HYDIN: variants seen among roughly 807,000 people sequenced by gnomAD.
HYDIN encodes HYDIN axonemal central pair apparatus protein.
A neutral mutation model predicts 403.9 loss-of-function variants in HYDIN; 132 were observed. The ratio of observed to expected loss-of-function variants is 0.33; its 90% confidence interval spans 0.28 to 0.38. The LOEUF (loss-of-function observed/expected upper bound fraction) is 0.38, where lower values mean the gene tolerates loss of function less well. HYDIN is among the 10% of genes least tolerant of loss of function. The pLI, the probability that HYDIN is intolerant of heterozygous loss-of-function variation, is 1.00. For missense variants in HYDIN, 2,827 were observed against 5,009.5 expected (o/e 0.56, Z 13.15); for synonymous variants, 1,202 against 1,891.7 (o/e 0.64, Z 9.46).
intron 1 of HYDIN, among the ~76,000 whole-genome samples, chr16:71,200,915 A>ACT (rs1353671548): frequency 6.6e-6 from 1 of 151,766 alleles, no homozygotes; most frequent in South Asian, 2.1e-4. Flanking sequence ...CAATTGGTAC[A>ACT]CTCTCTCCCT....
Position 70,973,932 on chromosome 16 carries a change from G to GA in HYDIN, c.5125_5126insT (p.Ala1709ValfsTer24). ...CAGGCACTGTCCACACTGAATTGTG[G>GA]CAAAGTCCACTTTTCCACGAGAGAG... On this transcript the variant is annotated frameshift_variant, in exon 34 of 86. Transcript: ENST00000393567. LOFTEE classifies it high-confidence loss of function. The GA allele has an allele frequency of 1.1e-6, 1 of 945,944 alleles. No individual in the cohort carries two copies. The highest frequency in any genetic ancestry group is 1.5e-6 in the Non-Finnish European group (1 of 652,896). 58.6% of individuals were successfully genotyped at this position (945,944 alleles called of 1,614,324 possible).
At chr16:71,041,037 G>A (rs1398087923) in intron 18 of HYDIN, among the ~76,000 whole-genome samples, 1 of 150,614 alleles carries the variant, frequency 6.6e-6, no homozygotes, top group Non-Finnish European at 1.5e-5. Context: ...ACTCTTTGAA[G>A]AAGGAAACTA....
intron 83 of HYDIN, among the ~76,000 whole-genome samples, chr16:70,822,455 C>T (rs977575594): frequency 9.2e-5 from 14 of 151,848 alleles, no homozygotes; most frequent in African/African-American, 3.1e-4. Context: ...GGTGAAGATG[C>T]CATGAACATT....
At chr16:71,212,136 T>C (rs1055206357) in intron 1 of HYDIN, among the ~76,000 whole-genome samples, 5 of 152,232 alleles carry the variant, frequency 3.3e-5, no homozygotes, top group African/African-American at 9.6e-5. Context: ...AAAAACACTA[T>C]AGTGGACATT....
At chr16:71,228,499 A>G (rs1480414711) in intron 1 of HYDIN, among the ~76,000 whole-genome samples, 1 of 152,266 alleles carries the variant, frequency 6.6e-6, no homozygotes, top group African/African-American at 2.4e-5. Context: ...TGGGCAAAGG[A>G]TATGAACAGA....
chr16:70,904,470 TTGAG>T (rs959250728), intron 50 of HYDIN, among the ~76,000 whole-genome samples: 1 of 121,080 alleles, frequency 8.3e-6, no homozygotes, highest in Non-Finnish European at 1.8e-5. Flanking sequence ...AGATTATCAC[TTGAG>T]TAACTTTTTT....
intron 41 of HYDIN, among the ~76,000 whole-genome samples, chr16:70,944,779 GTCTC>G (rs752095249): frequency 0.012 from 1,876 of 152,120 alleles, no homozygotes; most frequent in South Asian, 0.037. Flanking sequence ...TTGAGATGGA[GTCTC>G]ACTCTGTTGC....
intron 5 of HYDIN, among the ~76,000 whole-genome samples, chr16:71,167,163 C>T (rs1427009889): frequency 6.6e-5 from 10 of 152,002 alleles, no homozygotes; most frequent in African/African-American, 2.2e-4. Context: ...TTCTGGTTTC[C>T]AGATGGTAAT....
chr16:71,153,063 A>G (rs559305132), intron 6 of HYDIN, among the ~76,000 whole-genome samples: 1 of 152,330 alleles, frequency 6.6e-6, no homozygotes, highest in African/African-American at 2.4e-5. Flanking sequence ...ACATTCATTG[A>G]GTATCCCTGC....
chr16:70,990,394 CAAAAAAAAAAAAAAAAAAAAAAAA>C (rs72381537), intron 25 of HYDIN, among the ~76,000 whole-genome samples: 2 of 8,690 alleles, frequency 2.3e-4, no homozygotes, highest in Non-Finnish European at 5.8e-4. Flanking sequence ...GACTCTGCCT[CAAAAAAAAAAAAAAAAAAAAAAAA>C]AAAAAAAAAA....
intron 1 of HYDIN, among the ~76,000 whole-genome samples, chr16:71,227,062 G>A (rs1212311374): frequency 6.6e-6 from 1 of 151,800 alleles, no homozygotes; most frequent in Non-Finnish European, 1.5e-5. Flanking sequence ...GTTTTAAAAA[G>A]GAAAGATGTG....
At chr16:70,853,421 T>C in intron 73 of HYDIN, among the ~76,000 whole-genome samples, 1 of 149,806 alleles carries the variant, frequency 6.7e-6, no homozygotes, top group Non-Finnish European at 1.5e-5. Context: ...AAGTTTATAG[T>C]AGCTTTATTC....
Position 70,985,238 on chromosome 16 carries a change from G to T in HYDIN, c.4279C>A (p.Gln1427Lys), listed in dbSNP as rs905444414. The T allele has an allele frequency of 3.8e-6, 6 of 1,583,530 alleles. No homozygotes were observed. The African/African-American group carries it at 5.4e-5, about 14-fold the overall frequency. Reference protein sequence around the residue: ...GFEFKVLTDHQSSPDNLLPGV... With the variant: ...GFEFKVLTDHKSSPDNLLPGV... ...GGGAGAAGGTTGTCTGGAGAAGACT[G>T]GTGGTCAGTCAGAACCTTGAACTCA... Residue 1427 changes from glutamine to lysine, a missense_variant, in exon 28 of 86, where the codon CAG becomes AAG. Coordinates refer to ENST00000393567, the MANE Select transcript of HYDIN (RefSeq NM_001270974.2).
intron 37 of HYDIN, among the ~76,000 whole-genome samples, chr16:70,962,496 G>A (rs1435321488): frequency 1.3e-5 from 2 of 152,236 alleles, no homozygotes; most frequent in Non-Finnish European, 2.9e-5. Flanking sequence ...TACCAGCACA[G>A]GAGAGCTGCA....
chr16:71,229,850 C>A (rs1194842430), intron 1 of HYDIN, among the ~76,000 whole-genome samples: 1 of 152,142 alleles, frequency 6.6e-6, no homozygotes, highest in Non-Finnish European at 1.5e-5. Flanking sequence ...TGTGTCCCCA[C>A]CCAAATATCA....
Position 70,920,730 on chromosome 16 carries a change from T to A in HYDIN, c.7646A>T (p.Glu2549Val). 6.3e-7 allele frequency: 1 copy of A among 1,579,888 alleles called. No individual in the cohort carries two copies. Among genetic ancestry groups the A allele is most frequent in the Non-Finnish European group, 8.6e-7 (1 of 1,162,078 alleles). Residue 2549 changes from glutamate (E) to valine (V), a missense_variant, in exon 46 of 86, where the codon GAG becomes GTG. Transcript: ENST00000393567. ...LRALEERSDWEGEGEEDHEGK... is the reference protein window; with the variant it reads ...LRALEERSDWVGEGEEDHEGK... ...TTCGTGGTCCTCCTCCCCTTCCCCC[T>A]CCCAGTCGCTCCGCTCCTCCAGGGC...
intron 83 of HYDIN, among the ~76,000 whole-genome samples, chr16:70,823,573 T>G (rs2143476959): frequency 1.4e-5 from 2 of 146,648 alleles, no homozygotes; most frequent in East Asian, 4.1e-4. Flanking sequence ...TAATGAGGTA[T>G]TAATGCAATC....
rs200269995 is a variant in HYDIN, at chr16:70,850,598, C to A, written c.12501G>T (p.Leu4167Phe). 1 of 1,613,928 alleles carries A rather than the reference C, an allele frequency of 6.2e-7. No homozygotes were observed. The highest frequency in any genetic ancestry group is 1.3e-5 in the African/African-American group (1 of 74,994). ...PKQEGDVNFN[L>F]ICNVEKKVHP... ...GGACTTTCTTTTCCACATTGCAGAT[C>A]AAATTAAAGTTCACATCTCCTTCCT... The change falls in exon 74 of 86, where the codon TTG becomes TTT. Residue 4167 changes from leucine to phenylalanine, a missense_variant. Coordinates refer to ENST00000393567, the MANE Select transcript of HYDIN (RefSeq NM_001270974.2).
chr16:70,992,847 A>G (rs534689385), intron 23 of HYDIN, among the ~76,000 whole-genome samples: 19 of 152,316 alleles, frequency 1.2e-4, no homozygotes, highest in African/African-American at 4.6e-4. Flanking sequence ...GCTGAAGCCC[A>G]TATGTCCAGG....
Sources: gnomAD v4.1 joint callset for allele counts (sites outside exome capture counted in the v4.1 genomes callset) on GRCh38, gnomAD v4.1.1 for gene constraint, MANE v1.5 for transcripts, NCBI Gene and HGNC (gene_info 2026-07-23, HGNC 2026-07-21) for gene names.